Variants in UBA6 observed in about 807,000 individuals in gnomAD.
UBA6 encodes ubiquitin like modifier activating enzyme 6, also known as ubiquitin-like modifier-activating enzyme 6.
UBA6 carries 87 observed loss-of-function variants against 148.3 expected under a neutral mutation model. That is an observed-to-expected ratio of 0.59 (90% CI 0.49 to 0.70). UBA6 has a LOEUF of 0.70. Among genes scored for constraint, UBA6 ranks in the 30% least tolerant of loss-of-function variants. UBA6 has a pLI of 0.00. For missense variants in UBA6, 1,186 were observed against 1,241.2 expected, an observed-to-expected ratio of 0.96 and a Z score of 0.67; for synonymous variants, 376 against 401.0, an observed-to-expected ratio of 0.94 and a Z score of 0.75.
At chr4:67,697,282 G>C (rs1450468661) in intron 1 of UBA6, among the ~76,000 whole-genome samples, 2 of 152,236 alleles carry the variant, frequency 1.3e-5, no homozygotes, top group Admixed American at 1.3e-4. Context: ...TAGGATTACA[G>C]GCGTGGGCCA....
chr4:67,686,952 T>TAAAAAAAAAAAAA (rs546442640), intron 2 of UBA6, among the ~76,000 whole-genome samples: 1 of 57,188 alleles, frequency 1.7e-5, no homozygotes, highest in Non-Finnish European at 3.0e-5. Flanking sequence ...ATCCTGTCTC[T>TAAAAAAAAAAAAA]AAAAAAAAAA....
At chr4:67,669,747 T>C (rs182331697) in intron 8 of UBA6, among the ~76,000 whole-genome samples, 130 of 152,284 alleles carry the variant, frequency 8.5e-4, no homozygotes, top group African/African-American at 3.0e-3. Flanking sequence ...AGAAATGCTT[T>C]TCTCTAATAT....
rs887772146 is a variant in UBA6, at chr4:67,614,384, A to T, written c.*4613T>A. The T allele has an allele frequency of 5.9e-5, 9 of 152,180 alleles. No individual in the cohort carries two copies. The highest frequency in any genetic ancestry group is 1.3e-4 in the Non-Finnish European group (9 of 68,052). 9.4% of individuals were successfully genotyped at this position (152,180 alleles called of 1,614,324 possible). Reference sequence around the variant, plus strand: ...GCTGGGTCACAGGCCATGGTCACTCATATTTGGCTCAGAATAATCTCTGAA... The same window carrying T: ...GCTGGGTCACAGGCCATGGTCACTCTTATTTGGCTCAGAATAATCTCTGAA... On this transcript the variant is annotated 3_prime_UTR_variant, in exon 33 of 33. Coordinates refer to ENST00000322244, the MANE Select transcript of UBA6 (RefSeq NM_018227.6).
chr4:67,670,061 A>T (rs992002899), intron 8 of UBA6, among the ~76,000 whole-genome samples: 1 of 152,014 alleles, frequency 6.6e-6, no homozygotes, highest in Non-Finnish European at 1.5e-5. Context: ...TCATCCTTCC[A>T]TCTCAGCCTC....
At chr4:67,665,052 G>T in intron 10 of UBA6, 137 bp downstream of exon 10, 1 of 527,122 alleles carries the variant, frequency 1.9e-6, no homozygotes, top group South Asian at 3.6e-5. Flanking sequence ...CTCAAAGTGG[G>T]TACAAACAAA....
chr4:67,620,912 C>T (rs1023337405), intron 32 of UBA6, among the ~76,000 whole-genome samples: 1 of 152,170 alleles, frequency 6.6e-6, no homozygotes, highest in Non-Finnish European at 1.5e-5. Context: ...TAAAGCCAAC[C>T]TCATGCTATT....
intron 13 of UBA6, among the ~76,000 whole-genome samples, chr4:67,656,331 C>T (rs1729691197): frequency 6.6e-6 from 1 of 152,216 alleles, no homozygotes; most frequent in South Asian, 2.1e-4. Context: ...GCTTATCCAA[C>T]ATGATCAACT....
chr4:67,659,600 AAAAC>A (rs1729789204), intron 13 of UBA6, among the ~76,000 whole-genome samples: 2 of 152,048 alleles, frequency 1.3e-5, no homozygotes, highest in Non-Finnish European at 2.9e-5. Flanking sequence ...TAAAATACCC[AAAAC>A]TGGGTATTTT....
chr4:67,693,884 T>C (rs1481985876), intron 2 of UBA6, among the ~76,000 whole-genome samples: 1 of 152,044 alleles, frequency 6.6e-6, no homozygotes, highest in African/African-American at 2.4e-5. Flanking sequence ...CTAGGTCTTA[T>C]ACTAGTCCCC....
chr4:67,622,154 C>T (rs1728766256), intron 32 of UBA6, among the ~76,000 whole-genome samples: 1 of 152,190 alleles, frequency 6.6e-6, no homozygotes, highest in African/African-American at 2.4e-5. Context: ...AGAAGGATAA[C>T]TAGGAATCTA....
intron 18 of UBA6, 77 bp from the exon 19 acceptor site, chr4:67,639,201 T>A: frequency 1.7e-6 from 2 of 1,147,104 alleles, no homozygotes; most frequent in Non-Finnish European, 2.4e-6. Flanking sequence ...TATTCCAGAG[T>A]GATAAGAATG....
intron 26 of UBA6, among the ~76,000 whole-genome samples, chr4:67,630,055 T>C (rs1728959765): frequency 6.6e-6 from 1 of 152,088 alleles, no homozygotes; most frequent in South Asian, 2.1e-4. Flanking sequence ...TCAGATTTCC[T>C]GAAAAGCACA....
intron 3 of UBA6, 120 bp downstream of exon 3, chr4:67,681,999 T>A: frequency 2.8e-6 from 2 of 724,598 alleles, no homozygotes; most frequent in Non-Finnish European, 4.7e-6. Flanking sequence ...AAAAACTCAA[T>A]CTGATCAACA....
chr4:67,688,016 A>G (rs975654277), intron 2 of UBA6, among the ~76,000 whole-genome samples: 4 of 152,220 alleles, frequency 2.6e-5, no homozygotes, highest in Non-Finnish European at 5.9e-5. Context: ...GCAAATTCAA[A>G]AAGACTGGTA....
intron 1 of UBA6, among the ~76,000 whole-genome samples, chr4:67,698,944 G>A (rs1297707719): frequency 6.6e-6 from 1 of 151,960 alleles, no homozygotes; most frequent in South Asian, 2.1e-4. Flanking sequence ...TGGGTGACAA[G>A]AGCAAGACTC....
chr4:67,693,252 C>A (rs1261897275), intron 2 of UBA6, among the ~76,000 whole-genome samples: 1 of 151,916 alleles, frequency 6.6e-6, no homozygotes, highest in Non-Finnish European at 1.5e-5. Context: ...ATCTAATGAA[C>A]AATAAATATA....
rs530559056 is a variant in UBA6, at chr4:67,680,039, C to G, written c.259-1506G>C. 2.9e-4 allele frequency among the ~76,000 whole-genome samples: 44 copies of G among 152,248 alleles called. No individual in the cohort carries two copies. The South Asian group carries it at 8.9e-3, about 31-fold the overall frequency. ...TAATGTACACATACATATAAATTCA[C>G]TGGTCAATACTACGAAATGATGACA... On this transcript the variant is annotated intron_variant, in intron 4 of 32. Transcript: ENST00000322244.
chr4:67,696,512 T>TA (rs1398379793), intron 2 of UBA6, 133 bp downstream of exon 2: 1 of 605,432 alleles, frequency 1.7e-6, no homozygotes, highest in Non-Finnish European at 2.9e-6. Context: ...CACATACATA[T>TA]ATACATACAC....
intron 8 of UBA6, 75 bp from the exon 9 acceptor site, chr4:67,668,749 A>C (rs1243237549): frequency 7.2e-7 from 1 of 1,392,380 alleles, no homozygotes; most frequent in African/African-American, 1.5e-5. Flanking sequence ...ATCTTAAGCA[A>C]AAATGACAAA....
Sources: allele counts gnomAD v4.1 joint callset (sites outside exome capture counted in the v4.1 genomes callset), GRCh38; gene constraint gnomAD v4.1.1; transcripts MANE v1.5; gene names NCBI Gene and HGNC (gene_info 2026-07-23, HGNC 2026-07-21).